Variants in BBS9 observed in about 807,000 individuals in gnomAD.
BBS9 encodes the protein protein PTHB1.
BBS9 carries 89 observed loss-of-function variants against 117.7 expected under a neutral mutation model. The observed-to-expected ratio is 0.76, with a 90% CI of 0.64 to 0.90. The LOEUF (loss-of-function observed/expected upper bound fraction) is 0.90. BBS9 is among the 40% of genes least tolerant of loss of function. The pLI is 0.00. For missense variants in BBS9, 982 were observed against 1,042.2 expected (o/e 0.94, Z 0.80); for synonymous variants, 379 against 370.9 (o/e 1.02, Z -0.25).
chr7:33,304,617 C>T (rs966470814), intron 9 of BBS9, among the ~76,000 whole-genome samples: 2 of 152,122 alleles, frequency 1.3e-5, no homozygotes, highest in Non-Finnish European at 2.9e-5. Flanking sequence ...AGCCTTTCTG[C>T]AGGTGTACCC....
chr7:33,513,855 T>C (rs1847329565), intron 20 of BBS9, among the ~76,000 whole-genome samples: 1 of 152,220 alleles, frequency 6.6e-6, no homozygotes, highest in Admixed American at 6.5e-5. Context: ...TGTTAATATA[T>C]AGTGCTGACA....
At chr7:33,290,114 T>C (rs185735850) in intron 9 of BBS9, among the ~76,000 whole-genome samples, 2 of 152,224 alleles carry the variant, frequency 1.3e-5, no homozygotes, top group East Asian at 1.9e-4. Flanking sequence ...GCATTTAGGA[T>C]TGAATGTCGC....
At chr7:33,444,594 A>G (rs1836711778) in intron 19 of BBS9, among the ~76,000 whole-genome samples, 1 of 152,198 alleles carries the variant, frequency 6.6e-6, no homozygotes, top group Non-Finnish European at 1.5e-5. Context: ...CTAAAATGAG[A>G]TATAAACACT....
chr7:33,350,849 G>A (rs1369297684), intron 13 of BBS9, among the ~76,000 whole-genome samples: 1 of 152,012 alleles, frequency 6.6e-6, no homozygotes, highest in African/African-American at 2.4e-5. Flanking sequence ...GTGTCACCAC[G>A]CCCAGCTAAT....
chr7:33,609,548 T>G (rs1191622785), downstream of BBS9, among the ~76,000 whole-genome samples: 1 of 152,184 alleles, frequency 6.6e-6, no homozygotes, highest in Non-Finnish European at 1.5e-5. Context: ...TGTAATTGTA[T>G]ACTCTGAATT....
chr7:33,362,171 C>T (rs1820744787), intron 16 of BBS9, among the ~76,000 whole-genome samples: 1 of 152,070 alleles, frequency 6.6e-6, no homozygotes, highest in African/African-American at 2.4e-5. Context: ...TCTTTTGCTC[C>T]TTTATTTGAT....
intron 19 of BBS9, among the ~76,000 whole-genome samples, chr7:33,443,887 A>C (rs761059169): frequency 6.6e-6 from 1 of 152,230 alleles, no homozygotes; most frequent in Non-Finnish European, 1.5e-5. Flanking sequence ...TTACCGAAAC[A>C]GGGAGCTCAA....
chr7:33,597,176 A>T (rs531446775), intron 21 of BBS9, among the ~76,000 whole-genome samples: 1 of 152,038 alleles, frequency 6.6e-6, no homozygotes, highest in Non-Finnish European at 1.5e-5. Flanking sequence ...CTTCATATTT[A>T]AGATAGTGCG....
chr7:33,510,914 A>T (rs1585070097), intron 20 of BBS9, among the ~76,000 whole-genome samples: 1 of 152,244 alleles, frequency 6.6e-6, no homozygotes. Flanking sequence ...ACATTAAGTT[A>T]TACCATGGTG....
chr7:33,575,568 A>G (rs1281461640), intron 21 of BBS9, among the ~76,000 whole-genome samples: 1 of 152,172 alleles, frequency 6.6e-6, no homozygotes, highest in Non-Finnish European at 1.5e-5. Context: ...TGAGGCCAGT[A>G]TCATCCTGAT....
At chr7:33,261,177 C>T (rs528826327) in intron 6 of BBS9, among the ~76,000 whole-genome samples, 5 of 152,034 alleles carry the variant, frequency 3.3e-5, no homozygotes, top group Non-Finnish European at 7.4e-5. Context: ...TTCAGTTCTT[C>T]CCTGACCTAG....
At chr7:33,419,949 T>C (rs1420754295) in intron 19 of BBS9, among the ~76,000 whole-genome samples, 1 of 152,116 alleles carries the variant, frequency 6.6e-6, no homozygotes, top group Non-Finnish European at 1.5e-5. Flanking sequence ...AAGAAAGATA[T>C]GAACAGATCC....
chr7:33,161,445 T>A (rs528273643), intron 4 of BBS9, among the ~76,000 whole-genome samples: 1 of 152,316 alleles, frequency 6.6e-6, no homozygotes, highest in Non-Finnish European at 1.5e-5. Context: ...GCAAAGGACA[T>A]GAACTCATCC....
At chr7:33,210,636 A>G (rs1787831348) in intron 5 of BBS9, among the ~76,000 whole-genome samples, 1 of 152,122 alleles carries the variant, frequency 6.6e-6, no homozygotes. Context: ...TCCCGGGTTC[A>G]AGCGAATTCT....
chr7:33,237,638 G>T (rs930312748), intron 5 of BBS9, among the ~76,000 whole-genome samples: 9 of 152,114 alleles, frequency 5.9e-5, no homozygotes, highest in African/African-American at 2.2e-4. Context: ...AGAGGAAGAG[G>T]TTCCTCACTT....
At chr7:33,170,635 T>C (rs1292870761) in intron 4 of BBS9, among the ~76,000 whole-genome samples, 1 of 151,556 alleles carries the variant, frequency 6.6e-6, no homozygotes, top group Admixed American at 6.6e-5. Context: ...ATAAAGGGTA[T>C]TCAATTAGGA....
At chr7:33,423,398 G>A (rs1008817207) in intron 19 of BBS9, among the ~76,000 whole-genome samples, 1 of 150,698 alleles carries the variant, frequency 6.6e-6, no homozygotes, top group African/African-American at 2.4e-5. Flanking sequence ...CCTTGGGGGT[G>A]TGTGTGTGTG....
At chr7:33,213,625 G>A (rs1592466) in intron 5 of BBS9, among the ~76,000 whole-genome samples, 125,610 of 152,218 alleles carry the variant, frequency 0.83, 51,853 homozygotes, top group Admixed American at 0.86. Context: ...TCAGAGCCCA[G>A]GGCACACTGT....
At chr7:33,264,422 A>G (rs1199053884) in intron 7 of BBS9, 48 bp downstream of exon 7, 3 of 1,068,898 alleles carry the variant, frequency 2.8e-6, no homozygotes, top group Non-Finnish European at 4.2e-6. Context: ...GCTATATCTA[A>G]TCACATATGT....
Sources: allele counts gnomAD v4.1 joint callset (sites outside exome capture counted in the v4.1 genomes callset), GRCh38; gene constraint gnomAD v4.1.1; transcripts MANE v1.5; gene names NCBI Gene and HGNC (gene_info 2026-07-23, HGNC 2026-07-21).